Variants in KCNJ15 observed in about 807,000 individuals in gnomAD.
The protein encoded by KCNJ15 is potassium inwardly rectifying channel subfamily J member 15, also known as ATP-sensitive inward rectifier potassium channel 15.
In KCNJ15, 14 loss-of-function variants were observed where a neutral mutation model predicts 23.0. That is an observed-to-expected ratio of 0.61 (90% CI 0.40 to 0.95). The LOEUF is 0.95. Ranked by LOEUF, KCNJ15 falls within the 40% of genes least tolerant of loss-of-function variation. The pLI is 0.00. For missense variants in KCNJ15, 388 were observed against 461.8 expected, an observed-to-expected ratio of 0.84 and a Z score of 1.46; for synonymous variants, 185 against 183.2, an observed-to-expected ratio of 1.01 and a Z score of -0.08.
At position 38,307,042 on chromosome 21, in the gene KCNJ15, G is replaced by C. The variant is rs1986081983; in HGVS notation, c.*6653G>C. ...AAGATATATGTCCTTGCTTTCCCATGGTTCTTAAGTGAGTCTTAAGCTTGG... is the reference window on the plus strand; with the variant it reads ...AAGATATATGTCCTTGCTTTCCCATCGTTCTTAAGTGAGTCTTAAGCTTGG... On this transcript the variant is annotated 3_prime_UTR_variant, in exon 3 of 3. Coordinates refer to ENST00000398938, the MANE Select transcript of KCNJ15 (RefSeq NM_170736.3). 6.6e-6 allele frequency: 1 copy of C among 152,148 alleles called. No homozygotes were observed. Among genetic ancestry groups the C allele is most frequent in the South Asian group, 2.1e-4 (1 of 4,826 alleles). 9.4% of individuals were successfully genotyped at this position (152,148 alleles called of 1,614,324 possible).
rs544040631 is a variant in KCNJ15, at chr21:38,305,053, C to G, written c.*4664C>G. 1 of 122,044 alleles carries G rather than the reference C, an allele frequency of 8.2e-6. No homozygotes were observed. The highest frequency in any genetic ancestry group is 1.0e-4 in the Admixed American group (1 of 9,722). 7.6% of individuals were successfully genotyped at this position (122,044 alleles called of 1,614,324 possible). On this transcript the variant is annotated 3_prime_UTR_variant, in exon 3 of 3. Transcript: ENST00000398938. ...TAAGATCGCGCCACTGCACTCCAGC[C>G]TGGGCAACAAAAGTAAAACTCCGTC... is the stretch of plus-strand genomic sequence containing the variant.
chr21:38,233,720 A>G (rs913952657), intron 1 of KCNJ15, among the ~76,000 whole-genome samples: 7 of 152,136 alleles, frequency 4.6e-5, no homozygotes, highest in African/African-American at 1.7e-4. Context: ...AAATTATTAT[A>G]AGGGAATAGT....
At chr21:38,292,062 C>T (rs886587269) in intron 1 of KCNJ15, among the ~76,000 whole-genome samples, 13 of 152,158 alleles carry the variant, frequency 8.5e-5, no homozygotes, top group African/African-American at 2.9e-4. Context: ...TGTCACACTG[C>T]ACCACGAGAC....
intron 1 of KCNJ15, chr21:38,272,238 G>A (rs1274509079): frequency 6.6e-6 from 1 of 152,210 alleles, no homozygotes; most frequent in Non-Finnish European, 1.5e-5. Flanking sequence ...ATACCTTAAT[G>A]ATGCCAGAGG....
chr21:38,261,174 G>A (rs1244522615), intron 1 of KCNJ15, among the ~76,000 whole-genome samples: 1 of 152,164 alleles, frequency 6.6e-6, no homozygotes, highest in Non-Finnish European at 1.5e-5. Flanking sequence ...GAGCTGCCCT[G>A]GTGTTGGGCG....
intron 1 of KCNJ15, among the ~76,000 whole-genome samples, chr21:38,266,607 G>T (rs1370260411): frequency 6.6e-6 from 1 of 152,168 alleles, no homozygotes; most frequent in Non-Finnish European, 1.5e-5. Flanking sequence ...GAACAGTGCT[G>T]CAATAAGCAT....
intron 1 of KCNJ15, chr21:38,285,644 A>AT (rs1569009197): frequency 6.6e-6 from 1 of 152,290 alleles, no homozygotes. Flanking sequence ...GAAGGAATTC[A>AT]TGTGCCAGAT....
rs1224510581 is a variant in KCNJ15, at chr21:38,306,947, ACCAAAAT to A, written c.*6560_*6566del. The A allele has an allele frequency of 6.6e-6, 1 of 152,228 alleles. No individual in the cohort carries two copies. The highest frequency in any genetic ancestry group is 1.9e-4 in the East Asian group (1 of 5,194). The allele number at this position is 152,228 out of a possible 1,614,324, so 9.4% of individuals were successfully genotyped here. On this transcript the variant is annotated 3_prime_UTR_variant, in exon 3 of 3. Transcript: ENST00000398938. ...TTGTAACTCCTGGCAGTGTGTACTT[ACCAAAAT>A]CTTGATCACACTTAGGTCTCTTGCT...
At chr21:38,297,891 A>T (rs1985323249) in intron 2 of KCNJ15, among the ~76,000 whole-genome samples, 3 of 152,316 alleles carry the variant, frequency 2.0e-5, no homozygotes, top group East Asian at 3.9e-4. Context: ...CAGCAGACCC[A>T]TTGCCTCCTG....
intron 1 of KCNJ15, among the ~76,000 whole-genome samples, chr21:38,263,940 G>C (rs186515770): frequency 1.4e-4 from 21 of 151,954 alleles, no homozygotes; most frequent in Non-Finnish European, 2.4e-4. Context: ...TAAAAGAGGA[G>C]GAAAATAAGA....
chr21:38,288,026 C>CTTTTTTTTCTTTTTTTTT (rs1171718120), intron 1 of KCNJ15, among the ~76,000 whole-genome samples: 1 of 78,170 alleles, frequency 1.3e-5, no homozygotes, highest in East Asian at 4.0e-4. Context: ...TTGTTTTTTT[C>CTTTTTTTTCTTTTTTTTT]TTTGTTTTTT....
At chr21:38,288,018 G>GTTTTTTCTTTTTTT (rs1569010852) in intron 1 of KCNJ15, among the ~76,000 whole-genome samples, 1 of 26,018 alleles carries the variant, frequency 3.8e-5, no homozygotes, top group African/African-American at 9.6e-5. Flanking sequence ...TAAATAACTT[G>GTTTTTTCTTTTTTT]TTTTTTTCTT....
intron 1 of KCNJ15, chr21:38,272,697 C>A (rs543141300): frequency 2.6e-5 from 4 of 152,122 alleles, no homozygotes; most frequent in Admixed American, 6.5e-5. Context: ...TGACTTTTCC[C>A]CATTATCTGC....
intron 2 of KCNJ15, among the ~76,000 whole-genome samples, chr21:38,297,756 T>A (rs963630308): frequency 4.6e-5 from 7 of 152,250 alleles, no homozygotes; most frequent in Non-Finnish European, 8.8e-5. Context: ...AAACAAATTT[T>A]GAATAATTTA....
chr21:38,289,899 T>C (rs936062064), intron 1 of KCNJ15, among the ~76,000 whole-genome samples: 1 of 152,210 alleles, frequency 6.6e-6, no homozygotes, highest in African/African-American at 2.4e-5. Flanking sequence ...GAGAATATGC[T>C]TATTACCCAA....
At chr21:38,256,487 A>C (rs2836247), upstream of KCNJ15, among the ~76,000 whole-genome samples, 1 of 151,318 alleles carries the variant, frequency 6.6e-6, no homozygotes. Flanking sequence ...TATGTTTGAC[A>C]TAGGTATAGT....
chr21:38,253,918 C>A (rs937036275), upstream of KCNJ15, among the ~76,000 whole-genome samples: 7 of 152,126 alleles, frequency 4.6e-5, no homozygotes, highest in Non-Finnish European at 7.4e-5. Context: ...ACTGAATAGT[C>A]ATTTATATTT....
Position 38,301,680 on chromosome 21 carries a change from C to T in KCNJ15, c.*1291C>T, listed in dbSNP as rs576464999. The T allele has an allele frequency of 4.2e-5, 7 of 167,116 alleles. No homozygotes were observed. Among genetic ancestry groups the T allele is most frequent in the African/African-American group, 1.7e-4 (7 of 41,550 alleles). The allele number at this position is 167,116 out of a possible 1,614,324, so 10.4% of individuals were successfully genotyped here. On this transcript the variant is annotated 3_prime_UTR_variant, in exon 3 of 3. Coordinates refer to ENST00000398938, the MANE Select transcript of KCNJ15 (RefSeq NM_170736.3). The stretch of plus-strand genomic sequence containing the variant: ...TGATGCATGAACAAGATTTGAAAAT[C>T]TCAAGCCTGTAAAGAATACCCCTGC...
chr21:38,288,041 T>G (rs1262116508), intron 1 of KCNJ15, among the ~76,000 whole-genome samples: 18 of 88,292 alleles, frequency 2.0e-4, no homozygotes, highest in African/African-American at 6.5e-4. Flanking sequence ...TTTTTTTTTT[T>G]TTTTTTTTTT....
Sources: allele counts gnomAD v4.1 joint callset (sites outside exome capture counted in the v4.1 genomes callset), GRCh38; gene constraint gnomAD v4.1.1; transcripts MANE v1.5; gene names NCBI Gene and HGNC (gene_info 2026-07-23, HGNC 2026-07-21).